Variants in TAOK3 observed in about 807,000 individuals in gnomAD.
TAOK3 encodes TAO kinase 3, also known as serine/threonine-protein kinase TAO3.
Under a neutral mutation model 120.4 loss-of-function variants are expected in TAOK3, and 40 were observed. The ratio of observed to expected loss-of-function variants is 0.33; its 90% CI spans 0.26 to 0.43. The LOEUF (loss-of-function observed/expected upper bound fraction) is 0.43, where lower values mean the gene tolerates loss of function less well. TAOK3 is among the 20% of genes least tolerant of loss of function. The pLI, the probability that TAOK3 is intolerant of heterozygous loss-of-function variation, is 1.00. For missense variants in TAOK3, 821 were observed against 1,112.1 expected (o/e 0.74, Z 3.72); for synonymous variants, 355 against 387.5 (o/e 0.92, Z 0.99).
chr12:118,286,640 C>A (rs1028476694), intron 1 of TAOK3, among the ~76,000 whole-genome samples: 2 of 151,526 alleles, frequency 1.3e-5, no homozygotes, highest in African/African-American at 4.8e-5. Context: ...ACTAGTACAA[C>A]CACTGTGGAA....
chr12:118,189,736 G>T, intron 14 of TAOK3, 71 bp downstream of exon 14: 1 of 1,582,274 alleles, frequency 6.3e-7, no homozygotes, highest in Non-Finnish European at 8.7e-7. Context: ...GACAGGCTCA[G>T]GGAGGGCGAG....
chr12:118,160,226 T>G lies in TAOK3; in HGVS notation c.2272A>C (p.Lys758Gln). The change falls in exon 19 of 21, where the codon AAA (lysine) becomes CAA (glutamine). Residue 758 changes from lysine (K) to glutamine (Q), a missense_variant. Physicochemically the swap from Lys to Gln is moderately conservative, Grantham distance 53. Around this residue, in one of 2 missense-constraint regions of TAOK3, gnomAD observed 354 missense variants for 572.1 expected, o/e 0.62. Coordinates refer to ENST00000392533, the MANE Select transcript of TAOK3 (RefSeq NM_016281.4). This position sits in a 1 kb window ranked among gnomAD's most constrained non-coding sequence, Gnocchi z 4.2. ...NEHKTILKTL[K>Q]DEQTRKLAIL... The stretch of plus-strand genomic sequence containing the variant: ...GCAAGTTTTCTTGTCTGCTCATCTT[T>G]CAGTGTCTTTAAGATTGTTTTGTGC... The G allele has an allele frequency of 6.2e-7, 1 of 1,614,224 alleles. No individual in the cohort carries two copies. The highest frequency in any genetic ancestry group is 8.5e-7 in the Non-Finnish European group (1 of 1,180,032).
At chr12:118,330,402 G>A (rs887491263) in intron 1 of TAOK3, among the ~76,000 whole-genome samples, 2 of 152,088 alleles carry the variant, frequency 1.3e-5, no homozygotes, top group African/African-American at 4.8e-5. Context: ...ATTTCTAAGC[G>A]AGTTTTAAAA....
chr12:118,168,430 A>G (rs1238115340), intron 17 of TAOK3, among the ~76,000 whole-genome samples: 1 of 152,242 alleles, frequency 6.6e-6, no homozygotes, highest in Non-Finnish European at 1.5e-5. Context: ...TTATTTCACA[A>G]TGTATACATA....
intron 17 of TAOK3, among the ~76,000 whole-genome samples, chr12:118,163,409 CAAAAA>C (rs1040295732): frequency 2.5e-5 from 3 of 118,408 alleles, no homozygotes; most frequent in Non-Finnish European, 1.7e-5. Context: ...AACATGCAAA[CAAAAA>C]AATCTTAATT....
intron 3 of TAOK3, among the ~76,000 whole-genome samples, chr12:118,251,062 C>T (rs1471660907): frequency 2.6e-5 from 4 of 152,086 alleles, no homozygotes. Context: ...GGATTTTGAT[C>T]TTGGCCTAAG....
chr12:118,165,328 C>T (rs1468425510), intron 17 of TAOK3, among the ~76,000 whole-genome samples: 1 of 152,170 alleles, frequency 6.6e-6, no homozygotes, highest in Admixed American at 6.5e-5. Context: ...GGCATTTATT[C>T]ATCCCACACT....
At chr12:118,311,864 T>C (rs762469848) in intron 1 of TAOK3, among the ~76,000 whole-genome samples, 6 of 152,136 alleles carry the variant, frequency 3.9e-5, no homozygotes, top group Non-Finnish European at 7.4e-5. Context: ...TAATGGAAGA[T>C]ATCGTGAGCC....
At chr12:118,299,735 C>A (rs2042809534) in intron 1 of TAOK3, among the ~76,000 whole-genome samples, 1 of 152,124 alleles carries the variant, frequency 6.6e-6, no homozygotes, top group African/African-American at 2.4e-5. Context: ...GTCTCGAACT[C>A]CTAATCTCAG....
chr12:118,286,183 G>T (rs571478801), intron 1 of TAOK3, among the ~76,000 whole-genome samples: 1 of 152,214 alleles, frequency 6.6e-6, no homozygotes, highest in South Asian at 2.1e-4. Flanking sequence ...CCGAATTTTA[G>T]ATTTAGAATG....
At position 118,246,739 on chromosome 12, in the gene TAOK3, T is replaced by C. The variant is rs1354607313; in HGVS notation, c.121-1774A>G. ...AAGAAGCTGCTCATGATGGCTGGTA[T>C]CGATGACTGCTACACCTCAGCCCGG... On this transcript the variant is annotated intron_variant, in intron 3 of 20. Coordinates refer to ENST00000392533, the MANE Select transcript of TAOK3 (RefSeq NM_016281.4). 6 of 1,579,300 alleles carry C rather than the reference T, an allele frequency of 3.8e-6. No individual in the cohort carries two copies. The East Asian group carries it at 1.3e-4, about 35-fold the overall frequency.
At chr12:118,322,839 C>T (rs936072540) in intron 1 of TAOK3, among the ~76,000 whole-genome samples, 2 of 150,830 alleles carry the variant, frequency 1.3e-5, no homozygotes, top group African/African-American at 4.9e-5. Context: ...AACTCTCCTG[C>T]CTCAGCCTCC....
intron 1 of TAOK3, among the ~76,000 whole-genome samples, chr12:118,275,002 C>T (rs994211554): frequency 1.3e-5 from 2 of 152,128 alleles, no homozygotes; most frequent in African/African-American, 4.8e-5. Context: ...TGGCACCTCA[C>T]ATGAATCTGA....
chr12:118,181,779 T>C (rs1056578205), intron 14 of TAOK3, among the ~76,000 whole-genome samples, 172 bp from the exon 15 acceptor site: 2 of 152,242 alleles, frequency 1.3e-5, no homozygotes, highest in Non-Finnish European at 2.9e-5. Flanking sequence ...AGATACTCTT[T>C]ATGTATTTTA....
chr12:118,351,237 T>C (rs2045138559), intron 1 of TAOK3, among the ~76,000 whole-genome samples: 2 of 152,220 alleles, frequency 1.3e-5, no homozygotes, highest in South Asian at 2.1e-4. Flanking sequence ...GTAGTTTGTA[T>C]ACTTATTTAG....
At chr12:118,259,601 A>G (rs1383126447) in intron 2 of TAOK3, among the ~76,000 whole-genome samples, 9 of 152,188 alleles carry the variant, frequency 5.9e-5, no homozygotes, top group Admixed American at 5.2e-4. Flanking sequence ...TTTGAAGACA[A>G]TGGATATCAG....
chr12:118,205,488 A>T (rs942184452), intron 11 of TAOK3, among the ~76,000 whole-genome samples: 4 of 151,984 alleles, frequency 2.6e-5, no homozygotes, highest in African/African-American at 9.7e-5. Flanking sequence ...GGCTTTAAAA[A>T]TTTTTTTCTG....
intron 1 of TAOK3, among the ~76,000 whole-genome samples, chr12:118,269,130 T>TTCTTCTCTTTCTTC (rs2041589679): frequency 1.3e-5 from 2 of 151,956 alleles, no homozygotes; most frequent in African/African-American, 4.8e-5. Context: ...TCTCTTTCTT[T>TTCTTCTCTTTCTTC]CTTTCTTCTC....
In TAOK3 at chr12:118,235,582, T is replaced by C. The variant is rs148463198; in HGVS notation, c.527A>G (p.Asn176Ser). The change falls in exon 8 of 21, where the codon AAC (asparagine) becomes AGC (serine). Residue 176 changes from asparagine (N) to serine (S), a missense_variant. Asn to Ser is a conservative substitution (Grantham distance 46). Around this residue, in one of 2 missense-constraint regions of TAOK3, gnomAD observed 467 missense variants for 540.0 expected, o/e 0.86. Coordinates refer to ENST00000392533, the MANE Select transcript of TAOK3 (RefSeq NM_016281.4). ...CCAGTAAGGTGTGCCCACGAAGGAGTTGGCAGGAGAAGCCATTGAAGCAGA... is the reference window on the plus strand; with the variant it reads ...CCAGTAAGGTGTGCCCACGAAGGAGCTGGCAGGAGAAGCCATTGAAGCAGA... ...FGSASMASPA[N>S]SFVGTPYWMA... The C allele has an allele frequency of 2.6e-5, 42 of 1,613,560 alleles. No homozygotes were observed. In the African/African-American group the frequency reaches 2.8e-4, roughly 11 times the overall value.
Sources: allele counts gnomAD v4.1 joint callset (sites outside exome capture counted in the v4.1 genomes callset), GRCh38; gene constraint gnomAD v4.1.1; regional missense constraint gnomAD v4.1.1; non-coding constraint Gnocchi (gnomAD v3.1); transcripts MANE v1.5; gene names NCBI Gene and HGNC (gene_info 2026-07-23, HGNC 2026-07-21).